The following SUGCT variants were observed in gnomAD, a reference collection of about 807,000 sequenced individuals.
SUGCT encodes succinyl-CoA:glutarate CoA-transferase.
Under a neutral mutation model 55.0 loss-of-function variants are expected in SUGCT, and 41 were observed. That is an observed-to-expected ratio of 0.74 (90% CI 0.58 to 0.97). The LOEUF is 0.97. Ranked by LOEUF, SUGCT falls within the 50% of genes least tolerant of loss-of-function variation. The probability of loss-of-function intolerance (pLI) is 0.00; values close to 1 mark genes in which losing one functional copy is unlikely to be tolerated. For synonymous variants in SUGCT, 187 were observed against 200.4 expected (o/e 0.93, Z 0.56); for missense variants, 568 against 547.8 (o/e 1.04, Z -0.37).
At chr7:40,578,488 G>A (rs1406010258) in intron 12 of SUGCT, among the ~76,000 whole-genome samples, 1 of 152,090 alleles carries the variant, frequency 6.6e-6, no homozygotes, top group Non-Finnish European at 1.5e-5. Flanking sequence ...GTCAACCACT[G>A]CTCTAATCAC....
At chr7:40,684,939 T>G (rs1784401338) in intron 12 of SUGCT, among the ~76,000 whole-genome samples, 1 of 152,198 alleles carries the variant, frequency 6.6e-6, no homozygotes, top group South Asian at 2.1e-4. Context: ...CAAGCAATTC[T>G]CCTCTCTTAG....
chr7:40,768,239 A>G (rs1788905083), intron 13 of SUGCT, among the ~76,000 whole-genome samples: 1 of 152,012 alleles, frequency 6.6e-6, no homozygotes. Context: ...TTCACTACCT[A>G]TTTCTTAGAA....
intron 9 of SUGCT, among the ~76,000 whole-genome samples, chr7:40,367,413 T>G (rs985602056): frequency 6.8e-6 from 1 of 147,554 alleles, no homozygotes; most frequent in Admixed American, 6.9e-5. Flanking sequence ...ACTTAAAGTA[T>G]AATAATAATA....
chr7:40,534,461 C>T (rs887215292), intron 12 of SUGCT, among the ~76,000 whole-genome samples: 5 of 152,046 alleles, frequency 3.3e-5, no homozygotes, highest in Non-Finnish European at 7.4e-5. Flanking sequence ...CTTGGCTCAC[C>T]GCAACCTCCA....
intron 6 of SUGCT, among the ~76,000 whole-genome samples, chr7:40,221,073 G>A (rs1385610973): frequency 2.6e-5 from 4 of 151,982 alleles, no homozygotes; most frequent in South Asian, 2.1e-4. Context: ...AAAACAACCC[G>A]AAAAACAAAA....
chr7:41,037,776 C>G, the SUGCT span, among the ~76,000 whole-genome samples: 1 of 149,340 alleles, frequency 6.7e-6, no homozygotes, highest in Non-Finnish European at 1.5e-5. Flanking sequence ...GTTTGAGTAT[C>G]CCTCCAGCTT....
chr7:40,193,409 T>C (rs1297940428), intron 5 of SUGCT, among the ~76,000 whole-genome samples: 3 of 147,330 alleles, frequency 2.0e-5, no homozygotes, highest in Admixed American at 6.9e-5. Flanking sequence ...CTCAGCCTCC[T>C]GAGTAGCTGA....
intron 12 of SUGCT, 105 bp from the exon 13 acceptor site, chr7:40,749,329 C>T: frequency 1.2e-6 from 1 of 864,198 alleles, no homozygotes. Context: ...CTGTGTTTTG[C>T]CATATCTTTC....
At chr7:40,306,697 A>G (rs1794868205) in intron 8 of SUGCT, among the ~76,000 whole-genome samples, 1 of 152,228 alleles carries the variant, frequency 6.6e-6, no homozygotes, top group Admixed American at 6.5e-5. Flanking sequence ...AAGACTTGCT[A>G]TCACAGGAAT....
At chr7:40,664,078 T>A (rs1584234725) in intron 12 of SUGCT, among the ~76,000 whole-genome samples, 1 of 152,166 alleles carries the variant, frequency 6.6e-6, no homozygotes, top group East Asian at 1.9e-4. Context: ...TAGAGAGGCC[T>A]GGAACAGATT....
chr7:40,387,313 A>G (rs1583572830), intron 9 of SUGCT, among the ~76,000 whole-genome samples: 1 of 152,104 alleles, frequency 6.6e-6, no homozygotes, highest in African/African-American at 2.4e-5. Context: ...TTTCTTTACC[A>G]TGGGGAACTA....
chr7:40,562,392 CAATGAGGT>C (rs1795891499), intron 12 of SUGCT, among the ~76,000 whole-genome samples: 2 of 151,476 alleles, frequency 1.3e-5, no homozygotes, highest in South Asian at 4.2e-4. Context: ...AAGACTGAGG[CAATGAGGT>C]GTAAAATGGT....
intron 12 of SUGCT, among the ~76,000 whole-genome samples, chr7:40,610,280 T>A (rs1460816988): frequency 6.6e-6 from 1 of 152,358 alleles, no homozygotes; most frequent in South Asian, 2.1e-4. Flanking sequence ...TTTTGAATAA[T>A]CATTTACATC....
At chr7:40,803,599 G>T (rs1790932331) in intron 13 of SUGCT, among the ~76,000 whole-genome samples, 1 of 152,010 alleles carries the variant, frequency 6.6e-6, no homozygotes, top group Non-Finnish European at 1.5e-5. Flanking sequence ...AAGGAAACAA[G>T]AGTTCACCAC....
chr7:40,880,124 G>A, the SUGCT span, among the ~76,000 whole-genome samples: 1 of 152,162 alleles, frequency 6.6e-6, no homozygotes, highest in East Asian at 1.9e-4. Flanking sequence ...GAGAAACTAG[G>A]ATATTTGTTC....
In SUGCT at chr7:40,626,405, T is replaced by C. The variant is rs548727628; in HGVS notation, c.1090-123029T>C. Reference sequence around the variant, plus strand: ...CTGAGCAGCTGTGACTACAGGCGTGTGCCTAATTTTTTTTTTTTTTGTATT... The same window carrying C: ...CTGAGCAGCTGTGACTACAGGCGTGCGCCTAATTTTTTTTTTTTTTGTATT... On this transcript the variant is annotated intron_variant, in intron 12 of 13. Coordinates refer to ENST00000335693, the MANE Select transcript of SUGCT (RefSeq NM_001193313.2). Among the ~76,000 whole-genome samples the C allele has an allele frequency of 1.2e-4, 18 of 151,642 alleles. No homozygotes were observed. In the East Asian group the frequency reaches 2.9e-3, roughly 25 times the overall value.
the SUGCT span, among the ~76,000 whole-genome samples, chr7:40,933,752 CA>C: frequency 6.6e-6 from 1 of 152,168 alleles, no homozygotes; most frequent in African/African-American, 2.4e-5. Context: ...GCATGCATCA[CA>C]AAGTTCTTAT....
At chr7:40,541,301 G>A (rs1794664405) in intron 12 of SUGCT, among the ~76,000 whole-genome samples, 1 of 152,208 alleles carries the variant, frequency 6.6e-6, no homozygotes, top group African/African-American at 2.4e-5. Flanking sequence ...AGATGTGGGG[G>A]CCAACATGGA....
At chr7:40,269,026 A>G (rs1257528122) in intron 7 of SUGCT, among the ~76,000 whole-genome samples, 4 of 152,176 alleles carry the variant, frequency 2.6e-5, no homozygotes, top group African/African-American at 9.7e-5. Flanking sequence ...GAACTGCCAG[A>G]CTGTTTATCA....
Sources: allele counts gnomAD v4.1 joint callset (sites outside exome capture counted in the v4.1 genomes callset), GRCh38; gene constraint gnomAD v4.1.1; transcripts MANE v1.5; gene names NCBI Gene and HGNC (gene_info 2026-07-23, HGNC 2026-07-21).